GBE1: variants seen among roughly 807,000 people sequenced by gnomAD.
The protein encoded by GBE1 is 1,4-alpha-glucan branching enzyme 1.
In GBE1, 70 loss-of-function variants were observed where a neutral mutation model predicts 88.8. The observed-to-expected ratio is 0.79, with a 90% confidence interval of 0.65 to 0.96. The LOEUF (loss-of-function observed/expected upper bound fraction) is 0.96, where lower values mean the gene tolerates loss of function less well. Among genes scored for constraint, GBE1 ranks in the 40% least tolerant of loss-of-function variants. The probability of loss-of-function intolerance (pLI) is 0.00; values close to 1 mark genes in which losing one functional copy is unlikely to be tolerated. For synonymous variants in GBE1, 284 were observed against 300.1 expected (o/e 0.95, Z 0.56); for missense variants, 872 against 871.0 (o/e 1.00, Z -0.01).
intron 7 of GBE1, among the ~76,000 whole-genome samples, chr3:81,619,055 G>A (rs965917165): frequency 2.0e-5 from 3 of 151,970 alleles, no homozygotes; most frequent in African/African-American, 7.2e-5. Flanking sequence ...GTCATCTATT[G>A]CAAGGAACAT....
chr3:81,546,143 G>T (rs553012850), intron 12 of GBE1, among the ~76,000 whole-genome samples: 1 of 152,016 alleles, frequency 6.6e-6, no homozygotes, highest in South Asian at 2.1e-4. Flanking sequence ...ACAACATGAA[G>T]TTTCAGGCAT....
chr3:81,748,558 C>A (rs558819624), intron 1 of GBE1, among the ~76,000 whole-genome samples: 1 of 152,050 alleles, frequency 6.6e-6, no homozygotes, highest in Non-Finnish European at 1.5e-5. Context: ...TTGCAGTGAG[C>A]CGAGACCGCG....
intron 3 of GBE1, among the ~76,000 whole-genome samples, chr3:81,653,360 C>T (rs1047693467): frequency 1.3e-5 from 2 of 151,974 alleles, no homozygotes; most frequent in Admixed American, 1.3e-4. Flanking sequence ...ATGATGCATG[C>T]ATACAGTCCT....
chr3:81,629,744 T>C lies in GBE1; in HGVS notation c.992+13037A>G, dbSNP rs571215956. ...TATTATTATTATTATACTTTAAGTT[T>C]TAGGGTACATGTGCACAACATGCAG... On this transcript the variant is annotated intron_variant, in intron 7 of 15. Coordinates refer to ENST00000429644, the MANE Select transcript of GBE1 (RefSeq NM_000158.4). Among the ~76,000 whole-genome samples the C allele has an allele frequency of 3.3e-5, 5 of 152,214 alleles. 1 individual carries two copies. The South Asian group carries it at 6.2e-4, about 19-fold the overall frequency.
At chr3:81,518,523 T>C (rs1445458658) in intron 14 of GBE1, among the ~76,000 whole-genome samples, 1 of 151,418 alleles carries the variant, frequency 6.6e-6, no homozygotes, top group African/African-American at 2.4e-5. Flanking sequence ...TGGTGATTCA[T>C]CCCTAATTCC....
chr3:81,522,011 C>T (rs927630589), intron 14 of GBE1, among the ~76,000 whole-genome samples: 24 of 151,402 alleles, frequency 1.6e-4, no homozygotes, highest in African/African-American at 5.3e-4. Flanking sequence ...CTTGCCAGAC[C>T]GTATCTAGAA....
chr3:81,632,273 T>G (rs1468009783), intron 7 of GBE1, among the ~76,000 whole-genome samples: 1 of 152,158 alleles, frequency 6.6e-6, no homozygotes, highest in Non-Finnish European at 1.5e-5. Context: ...TAAACATATG[T>G]GGGCATGTGT....
intron 7 of GBE1, among the ~76,000 whole-genome samples, chr3:81,641,374 G>A (rs1704676327): frequency 6.6e-6 from 1 of 151,776 alleles, no homozygotes; most frequent in Non-Finnish European, 1.5e-5. Flanking sequence ...TAAAAGTAAG[G>A]GCAAAAACCA....
intron 1 of GBE1, chr3:81,743,652 G>A: frequency 6.7e-7 from 1 of 1,486,072 alleles, no homozygotes; most frequent in South Asian, 1.2e-5. Flanking sequence ...AAGGTCTAGG[G>A]CTATTAAAGC....
intron 1 of GBE1, among the ~76,000 whole-genome samples, chr3:81,721,192 AGAGTATAAT>A (rs2107190061): frequency 9.9e-6 from 1 of 100,578 alleles, no homozygotes; most frequent in East Asian, 6.1e-4. Context: ...CCTAAAACTT[AGAGTATAAT>A]AAAAAATAAA....
At chr3:81,612,397 G>T in intron 7 of GBE1, 1 of 832,788 alleles carries the variant, frequency 1.2e-6, no homozygotes, top group Non-Finnish European at 2.0e-6. Context: ...GAAATTCTTT[G>T]GGAATAATTT....
chr3:81,550,324 C>T (rs556948755), intron 12 of GBE1, among the ~76,000 whole-genome samples: 15 of 151,450 alleles, frequency 9.9e-5, no homozygotes, highest in Admixed American at 3.9e-4. Context: ...CCAATGCTTT[C>T]TGACTGAGCT....
Position 81,642,850 on chromosome 3 carries a change from G to C in GBE1, c.923C>G (p.Ser308Cys). The C allele has an allele frequency of 6.2e-7, 1 of 1,613,260 alleles. No homozygotes were observed. Among genetic ancestry groups the C allele is most frequent in the Non-Finnish European group, 8.5e-7 (1 of 1,179,438 alleles). Residue 308 changes from serine (S) to cysteine (C), a missense_variant, in exon 7 of 16, where the codon TCC becomes TGC. Physicochemically the swap from Ser to Cys is moderately radical, Grantham distance 112. Transcript: ENST00000429644. ...DGLNMFDGTD[S>C]CYFHSGPRGT... is the part of the protein sequence containing the mutation. ...TCTAGGTCCAGAATGAAAATAACAGGAATCTGTCCCATCAAACATATTCAA... is the reference window on the plus strand; with the variant it reads ...TCTAGGTCCAGAATGAAAATAACAGCAATCTGTCCCATCAAACATATTCAA...
intron 14 of GBE1, among the ~76,000 whole-genome samples, chr3:81,533,358 C>T (rs1703034032): frequency 6.6e-6 from 1 of 152,018 alleles, no homozygotes; most frequent in African/African-American, 2.4e-5. Flanking sequence ...TATCTGTAGG[C>T]ATAAAGAGAC....
intron 7 of GBE1, among the ~76,000 whole-genome samples, chr3:81,638,549 G>A (rs1704624542): frequency 6.6e-6 from 1 of 152,108 alleles, no homozygotes; most frequent in Non-Finnish European, 1.5e-5. Context: ...ACTAATTCTA[G>A]AAACTCCTGA....
chr3:81,667,317 G>A (rs183485054), intron 3 of GBE1, among the ~76,000 whole-genome samples: 1 of 152,284 alleles, frequency 6.6e-6, no homozygotes, highest in East Asian at 1.9e-4. Context: ...CTCCACTGAA[G>A]TTGCTTATCA....
Position 81,569,943 on chromosome 3 carries a change from A to G in GBE1, c.1618+7982T>C, listed in dbSNP as rs1220128794. Among the ~76,000 whole-genome samples, 3 of 151,986 alleles carry G rather than the reference A, an allele frequency of 2.0e-5. No homozygotes were observed. In the East Asian group the frequency reaches 5.8e-4, roughly 29 times the overall value. ...GATTCTCTGCCTCAGCCTCCCGAGT[A>G]GCTGGGATTACAGGTGCCTGCCACT... On this transcript the variant is annotated intron_variant, in intron 12 of 15. Transcript: ENST00000429644.
intron 7 of GBE1, among the ~76,000 whole-genome samples, chr3:81,632,412 C>T (rs1229626073): frequency 6.6e-6 from 1 of 152,010 alleles, no homozygotes; most frequent in African/African-American, 2.4e-5. Flanking sequence ...TGAACAGACA[C>T]TTTTCAAAAG....
intron 15 of GBE1, among the ~76,000 whole-genome samples, chr3:81,491,416 T>C (rs1702434870): frequency 1.3e-5 from 2 of 152,184 alleles, no homozygotes; most frequent in Admixed American, 6.5e-5. Flanking sequence ...CTGAACAAGG[T>C]AGATGTTGAT....
Sources: gnomAD v4.1 joint callset for allele counts (sites outside exome capture counted in the v4.1 genomes callset) on GRCh38, gnomAD v4.1.1 for gene constraint, MANE v1.5 for transcripts, NCBI Gene and HGNC (gene_info 2026-07-23, HGNC 2026-07-21) for gene names.